The following GABBR2 variants were observed in gnomAD, a reference collection of about 807,000 sequenced individuals.
GABBR2 encodes G-protein coupled receptor 51.
Under a neutral mutation model 105.6 loss-of-function variants are expected in GABBR2, and 23 were observed. The ratio of observed to expected loss-of-function variants is 0.22; its 90% CI spans 0.16 to 0.31. The LOEUF (loss-of-function observed/expected upper bound fraction) is 0.31, where lower values mean the gene tolerates loss of function less well. GABBR2 is among the 10% of genes least tolerant of loss of function. The probability of loss-of-function intolerance (pLI) is 1.00; values close to 1 mark genes in which losing one functional copy is unlikely to be tolerated. For missense variants in GABBR2, 734 were observed against 1,245.5 expected (o/e 0.59, Z 6.18); for synonymous variants, 478 against 499.7 (o/e 0.96, Z 0.58).
In GABBR2 at chr9:98,302,869, T is replaced by G. The variant is rs530822477; in HGVS notation, c.2412+372A>C. On this transcript the variant is annotated intron_variant, in intron 16 of 18. Coordinates refer to ENST00000259455, the MANE Select transcript of GABBR2 (RefSeq NM_005458.8). ...TTGTACATCACATAGATGTGGTGGTTGCTGGGTTGTGCTGGGAGAGTGAAA... is the reference window on the plus strand; with the variant it reads ...TTGTACATCACATAGATGTGGTGGTGGCTGGGTTGTGCTGGGAGAGTGAAA... The G allele has an allele frequency of 1.8e-5, 4 of 223,980 alleles. No homozygotes were observed. The South Asian group carries it at 5.7e-4, about 32-fold the overall frequency. The allele number at this position is 223,980 out of a possible 1,614,324, so 13.9% of individuals were successfully genotyped here.
chr9:98,394,080 C>A, intron 9 of GABBR2, 95 bp downstream of exon 9: 1 of 855,966 alleles, frequency 1.2e-6, no homozygotes, highest in Admixed American at 1.9e-5. Context: ...CCCCCTGAAG[C>A]CAAGGATGCT....
At chr9:98,574,653 A>C (rs1437920272) in intron 2 of GABBR2, among the ~76,000 whole-genome samples, 1 of 152,206 alleles carries the variant, frequency 6.6e-6, no homozygotes, top group Non-Finnish European at 1.5e-5. Context: ...GTGGTAAATA[A>C]CTAACACAGT....
At chr9:98,532,728 C>G (rs776994290) in intron 3 of GABBR2, among the ~76,000 whole-genome samples, 1 of 152,152 alleles carries the variant, frequency 6.6e-6, no homozygotes, top group Non-Finnish European at 1.5e-5. Context: ...TAGGACAGAG[C>G]CCAAGTGGTC....
chr9:98,635,389 G>A (rs987536303), intron 1 of GABBR2, among the ~76,000 whole-genome samples: 1 of 152,182 alleles, frequency 6.6e-6, no homozygotes, highest in Non-Finnish European at 1.5e-5. Flanking sequence ...GGGGTGGCAT[G>A]GGGAGGATGG....
intron 13 of GABBR2, among the ~76,000 whole-genome samples, chr9:98,355,022 A>T (rs1373514118): frequency 1.3e-5 from 2 of 152,148 alleles, no homozygotes; most frequent in Non-Finnish European, 2.9e-5. Context: ...ACACTTAGAG[A>T]CAACTGCAGG....
chr9:98,697,262 C>A (rs940769097), intron 1 of GABBR2, among the ~76,000 whole-genome samples: 3 of 152,138 alleles, frequency 2.0e-5, no homozygotes, highest in Middle Eastern at 3.2e-3. Context: ...GAGGCCGAGG[C>A]AAGCAGATCA....
intron 12 of GABBR2, among the ~76,000 whole-genome samples, chr9:98,365,135 T>G (rs1242021435): frequency 6.6e-6 from 1 of 152,254 alleles, no homozygotes; most frequent in East Asian, 1.9e-4. Context: ...GACCTCATTC[T>G]AATCCCAATT....
chr9:98,438,338 A>T (rs777895117), intron 7 of GABBR2, among the ~76,000 whole-genome samples: 4 of 151,456 alleles, frequency 2.6e-5, no homozygotes, highest in Non-Finnish European at 4.4e-5. Flanking sequence ...CCATGTCTCC[A>T]CCACTCTACC....
chr9:98,643,369 A>G (rs1829993023), intron 1 of GABBR2, among the ~76,000 whole-genome samples: 1 of 152,220 alleles, frequency 6.6e-6, no homozygotes, highest in South Asian at 2.1e-4. Context: ...CTGCTCTGCC[A>G]TGCTCAATAC....
At chr9:98,494,307 A>T (rs1827233694) in intron 4 of GABBR2, among the ~76,000 whole-genome samples, 1 of 152,222 alleles carries the variant, frequency 6.6e-6, no homozygotes, top group African/African-American at 2.4e-5. Context: ...TGGGAGTTGG[A>T]GGAACAGGGA....
chr9:98,429,873 C>T (rs967854389), intron 7 of GABBR2, among the ~76,000 whole-genome samples: 2 of 152,242 alleles, frequency 1.3e-5, no homozygotes, highest in African/African-American at 4.8e-5. Flanking sequence ...TTCCCTCCCC[C>T]TTGCTGATAC....
At chr9:98,453,027 C>T (rs1192249727) in intron 7 of GABBR2, among the ~76,000 whole-genome samples, 2 of 152,146 alleles carry the variant, frequency 1.3e-5, no homozygotes, top group Non-Finnish European at 2.9e-5. Flanking sequence ...ACTTTCTATG[C>T]CCTTTTTTTT....
chr9:98,663,536 C>T (rs1830294851), intron 1 of GABBR2, among the ~76,000 whole-genome samples: 1 of 151,490 alleles, frequency 6.6e-6, no homozygotes, highest in South Asian at 2.1e-4. Context: ...AGACGTTTAA[C>T]AGAATGGTGT....
At chr9:98,706,921 C>A (rs189510289) in intron 1 of GABBR2, among the ~76,000 whole-genome samples, 108 of 152,266 alleles carry the variant, frequency 7.1e-4, no homozygotes, top group African/African-American at 2.5e-3. Context: ...AAGACGAGGG[C>A]GATAGGAATG....
At chr9:98,674,374 G>C (rs1246058770) in intron 1 of GABBR2, among the ~76,000 whole-genome samples, 1 of 152,142 alleles carries the variant, frequency 6.6e-6, no homozygotes, top group Non-Finnish European at 1.5e-5. Flanking sequence ...TGAACATCTG[G>C]GGGTGCCATA....
At chr9:98,611,262 GC>G (rs1217342296) in intron 1 of GABBR2, among the ~76,000 whole-genome samples, 3 of 152,206 alleles carry the variant, frequency 2.0e-5, no homozygotes, top group Non-Finnish European at 2.9e-5. Context: ...CATTTCCACT[GC>G]CTACCTTGTC....
intron 14 of GABBR2, among the ~76,000 whole-genome samples, chr9:98,309,069 T>C (rs141782899): frequency 6.6e-6 from 1 of 152,222 alleles, no homozygotes; most frequent in Non-Finnish European, 1.5e-5. Flanking sequence ...GGCTCTAAAA[T>C]AGAAGGATTA....
intron 13 of GABBR2, among the ~76,000 whole-genome samples, chr9:98,323,642 T>C (rs1830865187): frequency 6.6e-6 from 1 of 152,208 alleles, no homozygotes; most frequent in South Asian, 2.1e-4. Flanking sequence ...TCGTCCAGGC[T>C]GGCATCCCTC....
chr9:98,571,249 C>T (rs533318107), intron 2 of GABBR2, among the ~76,000 whole-genome samples: 18 of 152,310 alleles, frequency 1.2e-4, no homozygotes, highest in Admixed American at 3.9e-4. Flanking sequence ...GCTGGGAAAA[C>T]GGCAAGGTGA....
Sources: gnomAD v4.1 joint callset for allele counts (sites outside exome capture counted in the v4.1 genomes callset) on GRCh38, gnomAD v4.1.1 for gene constraint, MANE v1.5 for transcripts, NCBI Gene and HGNC (gene_info 2026-07-23, HGNC 2026-07-21) for gene names.